CAMKMT: variants seen among roughly 807,000 people sequenced by gnomAD.
CAMKMT encodes the protein calmodulin-lysine N-methyltransferase.
CAMKMT carries 53 observed loss-of-function variants against 48.0 expected under a neutral mutation model. The ratio of observed to expected loss-of-function variants is 1.10; its 90% CI spans 0.89 to 1.39. The LOEUF (loss-of-function observed/expected upper bound fraction) is 1.39, where lower values mean the gene tolerates loss of function less well. Among genes scored for constraint, CAMKMT ranks in the 40% most tolerant of loss-of-function variants. CAMKMT has a pLI of 0.00. For synonymous variants in CAMKMT, 165 were observed against 152.3 expected, an observed-to-expected ratio of 1.08 and a Z score of -0.61; for missense variants, 428 against 402.7, an observed-to-expected ratio of 1.06 and a Z score of -0.54.
In CAMKMT at chr2:44,653,773, T is replaced by G. The variant is rs1167687045; in HGVS notation, c.377-50510T>G. Among the ~76,000 whole-genome samples the G allele has an allele frequency of 1.3e-5, 2 of 152,244 alleles. No individual in the cohort carries two copies. The highest frequency in any genetic ancestry group is 3.8e-4 in the East Asian group (2 of 5,204). The stretch of plus-strand genomic sequence containing the variant: ...ATAATTTGGAGTTATTTTTATTCAT[T>G]TTAATGACTGATCTAAAACAAGAAT... On this transcript the variant is annotated intron_variant, in intron 3 of 10. Transcript: ENST00000378494. The surrounding 1 kb of genome is among the most constrained non-coding windows in gnomAD (Gnocchi z 5.2).
chr2:44,557,382 G>A (rs888208722), intron 3 of CAMKMT, among the ~76,000 whole-genome samples: 4 of 151,926 alleles, frequency 2.6e-5, no homozygotes, highest in East Asian at 1.9e-4. Flanking sequence ...AAAAATAAAC[G>A]GTGCTTAAGA....
intron 3 of CAMKMT, among the ~76,000 whole-genome samples, chr2:44,669,425 T>G (rs78195040): frequency 0.016 from 2,486 of 152,258 alleles, 31 homozygotes; most frequent in Non-Finnish European, 0.028. Context: ...GTGCAAAAAT[T>G]TCTGTAGGGC....
chr2:44,464,099 A>G (rs1667987733), intron 3 of CAMKMT, among the ~76,000 whole-genome samples: 1 of 152,228 alleles, frequency 6.6e-6, no homozygotes, highest in Non-Finnish European at 1.5e-5. Context: ...GAAATCAGGC[A>G]AACAAAGCAT....
intron 3 of CAMKMT, among the ~76,000 whole-genome samples, chr2:44,645,801 A>G (rs749512589): frequency 1.3e-5 from 2 of 152,220 alleles, no homozygotes; most frequent in Non-Finnish European, 2.9e-5. Context: ...AGCCTGGGCA[A>G]CAGAGCAAGA....
At chr2:44,393,844 TG>T (rs1681579999) in intron 3 of CAMKMT, among the ~76,000 whole-genome samples, 2 of 152,228 alleles carry the variant, frequency 1.3e-5, no homozygotes, top group Non-Finnish European at 2.9e-5. Flanking sequence ...CTCTGACCTC[TG>T]GTCAAAGAAG....
intron 3 of CAMKMT, among the ~76,000 whole-genome samples, chr2:44,675,073 C>A (rs560962678): frequency 6.8e-6 from 1 of 146,878 alleles, no homozygotes; most frequent in Non-Finnish European, 1.5e-5. Context: ...GATTTACCAA[C>A]CTTAAGGGGG....
chr2:44,529,366 G>GA (rs929451827), intron 3 of CAMKMT, among the ~76,000 whole-genome samples: 1 of 152,134 alleles, frequency 6.6e-6, no homozygotes. Flanking sequence ...TAGAATTTAT[G>GA]AAAATGAAAA....
intron 3 of CAMKMT, among the ~76,000 whole-genome samples, chr2:44,673,572 G>A (rs555991116): frequency 6.6e-6 from 1 of 151,930 alleles, no homozygotes; most frequent in Non-Finnish European, 1.5e-5. Context: ...CATCCCTGAT[G>A]AGTGTGACCA....
chr2:44,689,577 C>G (rs1676528970), intron 3 of CAMKMT, among the ~76,000 whole-genome samples: 2 of 152,118 alleles, frequency 1.3e-5, no homozygotes, highest in Non-Finnish European at 2.9e-5. Flanking sequence ...GAAAGTGTTC[C>G]TTTTTCTTCT....
intron 9 of CAMKMT, among the ~76,000 whole-genome samples, chr2:44,763,122 G>T (rs888841944): frequency 3.3e-5 from 5 of 152,104 alleles, no homozygotes; most frequent in African/African-American, 1.2e-4. Flanking sequence ...GGAGATGCTG[G>T]CACTCAGTAG....
At chr2:44,457,501 C>T (rs112366837) in intron 3 of CAMKMT, among the ~76,000 whole-genome samples, 7 of 151,556 alleles carry the variant, frequency 4.6e-5, no homozygotes, top group African/African-American at 1.7e-4. Flanking sequence ...CGGGTTCAAG[C>T]GATTCTCCCA....
intron 7 of CAMKMT, among the ~76,000 whole-genome samples, chr2:44,725,873 G>C (rs1236869881): frequency 6.6e-6 from 1 of 151,714 alleles, no homozygotes; most frequent in Non-Finnish European, 1.5e-5. Flanking sequence ...TAAGATACAA[G>C]GAGTACATGT....
At chr2:44,366,257 G>A (rs1215980361) in intron 1 of CAMKMT, among the ~76,000 whole-genome samples, 1 of 152,210 alleles carries the variant, frequency 6.6e-6, no homozygotes, top group Non-Finnish European at 1.5e-5. Flanking sequence ...AAAGGTTTGT[G>A]AAGAAGCACA....
At chr2:44,667,994 A>G (rs1159961122) in intron 3 of CAMKMT, among the ~76,000 whole-genome samples, 1 of 151,728 alleles carries the variant, frequency 6.6e-6, no homozygotes, top group African/African-American at 2.4e-5. Context: ...CTCTAATTAA[A>G]CTCTGAGCCT....
At chr2:44,408,249 C>T (rs1225686524) in intron 3 of CAMKMT, among the ~76,000 whole-genome samples, 5 of 151,984 alleles carry the variant, frequency 3.3e-5, no homozygotes, top group Non-Finnish European at 7.4e-5. Flanking sequence ...TGGTCTCGAT[C>T]TACTAACCTT....
chr2:44,465,570 A>AAG (rs1668070211), intron 3 of CAMKMT, among the ~76,000 whole-genome samples: 1 of 149,844 alleles, frequency 6.7e-6, no homozygotes, highest in African/African-American at 2.4e-5. Flanking sequence ...TACTCTGTCA[A>AAG]AAAAAAAAAA....
At chr2:44,664,978 C>T (rs1223872587) in intron 3 of CAMKMT, among the ~76,000 whole-genome samples, 3 of 152,102 alleles carry the variant, frequency 2.0e-5, no homozygotes, top group African/African-American at 4.8e-5. Flanking sequence ...TTCATTGCTA[C>T]CCCCCAGGAA....
chr2:44,467,194 C>G (rs752785721), intron 3 of CAMKMT, among the ~76,000 whole-genome samples: 1 of 151,564 alleles, frequency 6.6e-6, no homozygotes, highest in South Asian at 2.1e-4. Flanking sequence ...GTCAAGGCTG[C>G]AGCAGTGAGC....
At chr2:44,754,589 T>C (rs906914305) in intron 9 of CAMKMT, among the ~76,000 whole-genome samples, 11 of 152,194 alleles carry the variant, frequency 7.2e-5, no homozygotes, top group African/African-American at 2.4e-4. Flanking sequence ...GATGAATCTG[T>C]ATATTAATAG....
Sources: allele counts gnomAD v4.1 joint callset (sites outside exome capture counted in the v4.1 genomes callset), GRCh38; gene constraint gnomAD v4.1.1; non-coding constraint Gnocchi (gnomAD v3.1); transcripts MANE v1.5; gene names NCBI Gene and HGNC (gene_info 2026-07-23, HGNC 2026-07-21).